CADPS2: variants seen among roughly 807,000 people sequenced by gnomAD.
CADPS2 encodes the protein calcium-dependent secretion activator 2.
CADPS2 carries 93 observed loss-of-function variants against 172.5 expected under a neutral mutation model. The ratio of observed to expected loss-of-function variants is 0.54; its 90% CI spans 0.46 to 0.64. The LOEUF (loss-of-function observed/expected upper bound fraction) is 0.64. CADPS2 is among the 30% of genes least tolerant of loss of function. The pLI is 0.00. For missense variants in CADPS2, 1,420 were observed against 1,565.9 expected (o/e 0.91, Z 1.57); for synonymous variants, 546 against 555.2 (o/e 0.98, Z 0.23).
At chr7:122,781,427 C>G (rs181820605) in intron 1 of CADPS2, among the ~76,000 whole-genome samples, 160 of 152,186 alleles carry the variant, frequency 1.1e-3, no homozygotes, top group African/African-American at 3.4e-3. Context: ...TTTCTACTAG[C>G]CCCTAAATCC....
intron 1 of CADPS2, among the ~76,000 whole-genome samples, chr7:122,797,537 T>G (rs1396473286): frequency 6.6e-6 from 1 of 152,186 alleles, no homozygotes; most frequent in Non-Finnish European, 1.5e-5. Flanking sequence ...CAAGATCACA[T>G]TCTTTGCAGA....
chr7:122,406,719 A>G (rs1345989989), intron 20 of CADPS2, among the ~76,000 whole-genome samples: 1 of 152,202 alleles, frequency 6.6e-6, no homozygotes, highest in African/African-American at 2.4e-5. Flanking sequence ...GCATTGATCA[A>G]AGAGAATGGG....
At chr7:122,855,389 T>C (rs1426967516) in intron 1 of CADPS2, among the ~76,000 whole-genome samples, 2 of 152,192 alleles carry the variant, frequency 1.3e-5, no homozygotes, top group Non-Finnish European at 2.9e-5. Flanking sequence ...AATGTGGTTA[T>C]TGTCATACTT....
At chr7:122,412,311 A>G (rs1411893845) in intron 19 of CADPS2, among the ~76,000 whole-genome samples, 1 of 152,204 alleles carries the variant, frequency 6.6e-6, no homozygotes, top group Non-Finnish European at 1.5e-5. Flanking sequence ...TTCATGGTCA[A>G]TTATTTTGCA....
At chr7:122,485,452 A>G (rs1007985405) in intron 11 of CADPS2, among the ~76,000 whole-genome samples, 1 of 152,228 alleles carries the variant, frequency 6.6e-6, no homozygotes, top group African/African-American at 2.4e-5. Context: ...CAAACCAGCC[A>G]CAATATTCCC....
At chr7:122,390,286 C>A (rs1175765825) in intron 22 of CADPS2, among the ~76,000 whole-genome samples, 1 of 152,006 alleles carries the variant, frequency 6.6e-6, no homozygotes, top group Non-Finnish European at 1.5e-5. Context: ...TTGAAAAAAA[C>A]ACTACCTTTA....
intron 19 of CADPS2, chr7:122,409,677 G>C (rs1232237693): frequency 2.6e-5 from 12 of 469,542 alleles, no homozygotes; most frequent in Non-Finnish European, 4.9e-5. Flanking sequence ...AAAAATGAAA[G>C]CAACAGTTGC....
intron 9 of CADPS2, among the ~76,000 whole-genome samples, chr7:122,502,308 T>G (rs938427799): frequency 2.0e-5 from 3 of 152,176 alleles, no homozygotes; most frequent in Non-Finnish European, 4.4e-5. Flanking sequence ...ATTAATATTG[T>G]CATCCCTTTA....
rs201600144 is a variant in CADPS2, at chr7:122,658,555, G to A, written c.786+4682C>T. On this transcript the variant is annotated intron_variant, in intron 3 of 29. Transcript: ENST00000449022. ...TACACCATGGAAATACTATGCAGCC[G>A]TAAAAAAGGATGAGTTAATGTCCTT... Among the ~76,000 whole-genome samples, 20 of 152,290 alleles carry A rather than the reference G, an allele frequency of 1.3e-4. No homozygotes were observed. The South Asian group carries it at 1.7e-3, about 13-fold the overall frequency.
intron 8 of CADPS2, among the ~76,000 whole-genome samples, chr7:122,520,137 C>T (rs1278552067): frequency 6.6e-6 from 1 of 151,936 alleles, no homozygotes; most frequent in African/African-American, 2.4e-5. Context: ...TGTTCCGTGA[C>T]AGCAGGAACA....
At chr7:122,849,987 C>T (rs1358165342) in intron 1 of CADPS2, 4 of 668,636 alleles carry the variant, frequency 6.0e-6, no homozygotes, top group Non-Finnish European at 9.4e-6. Context: ...GGCCCACCTG[C>T]CCCCAAGCCT....
chr7:122,859,972 C>T (rs1816487594), intron 1 of CADPS2, among the ~76,000 whole-genome samples: 1 of 152,064 alleles, frequency 6.6e-6, no homozygotes, highest in African/African-American at 2.4e-5. Flanking sequence ...AGTTGAAATG[C>T]AGATAAAAAC....
At chr7:122,839,659 G>A (rs1343230737) in intron 1 of CADPS2, among the ~76,000 whole-genome samples, 1 of 152,218 alleles carries the variant, frequency 6.6e-6, no homozygotes, top group Non-Finnish European at 1.5e-5. Flanking sequence ...CATTTATGCA[G>A]CCAACAGACA....
chr7:122,390,126 T>TA (rs1563215430), intron 22 of CADPS2, among the ~76,000 whole-genome samples: 1 of 151,996 alleles, frequency 6.6e-6, no homozygotes, highest in Non-Finnish European at 1.5e-5. Context: ...CCCTCAGACT[T>TA]AAGTTCTCTA....
At chr7:122,666,564 A>T (rs972776343) in intron 2 of CADPS2, among the ~76,000 whole-genome samples, 1 of 151,970 alleles carries the variant, frequency 6.6e-6, no homozygotes, top group Non-Finnish European at 1.5e-5. Flanking sequence ...GGCTGGTCTC[A>T]AACTCCTGAC....
At chr7:122,536,466 A>G (rs915601299) in intron 8 of CADPS2, among the ~76,000 whole-genome samples, 3 of 152,106 alleles carry the variant, frequency 2.0e-5, no homozygotes, top group Non-Finnish European at 4.4e-5. Flanking sequence ...GATCAAGGTT[A>G]CTTCCTACTT....
intron 1 of CADPS2, among the ~76,000 whole-genome samples, chr7:122,796,488 A>C (rs867745395): frequency 1.3e-5 from 2 of 152,342 alleles, no homozygotes; most frequent in African/African-American, 4.8e-5. Context: ...CAGTAACCAA[A>C]ACAGCATGGT....
intron 3 of CADPS2, among the ~76,000 whole-genome samples, chr7:122,660,436 T>C (rs2080397473): frequency 6.6e-6 from 1 of 152,032 alleles, no homozygotes; most frequent in Non-Finnish European, 1.5e-5. Flanking sequence ...ATATAAAGTG[T>C]TCAATCAAAA....
At chr7:122,819,066 G>A (rs1452831609) in intron 1 of CADPS2, among the ~76,000 whole-genome samples, 1 of 152,156 alleles carries the variant, frequency 6.6e-6, no homozygotes, top group Non-Finnish European at 1.5e-5. Flanking sequence ...ATAGAAAAAA[G>A]TTGCAATTCC....
Sources: gnomAD v4.1 joint callset for allele counts (sites outside exome capture counted in the v4.1 genomes callset) on GRCh38, gnomAD v4.1.1 for gene constraint, MANE v1.5 for transcripts, NCBI Gene and HGNC (gene_info 2026-07-23, HGNC 2026-07-21) for gene names.